LSAMP: variants seen among roughly 807,000 people sequenced by gnomAD.
LSAMP encodes the protein limbic system associated membrane protein.
In LSAMP, 7 loss-of-function variants were observed where a neutral mutation model predicts 38.6. That is an observed-to-expected ratio of 0.18 (90% CI 0.10 to 0.34). LSAMP has a LOEUF of 0.34. LSAMP is among the 10% of genes least tolerant of loss of function. LSAMP has a pLI of 1.00. For synonymous variants in LSAMP, 154 were observed against 166.8 expected, an observed-to-expected ratio of 0.92 and a Z score of 0.59; for missense variants, 313 against 420.0, an observed-to-expected ratio of 0.75 and a Z score of 2.23.
intron 1 of LSAMP, among the ~76,000 whole-genome samples, chr3:116,115,532 C>T (rs1028024091): frequency 1.3e-5 from 2 of 152,180 alleles, no homozygotes; most frequent in African/African-American, 4.8e-5. Context: ...CTCCTTTCTT[C>T]TCTTGTCCAT....
At chr3:115,848,294 C>T (rs1205162714) in intron 4 of LSAMP, among the ~76,000 whole-genome samples, 4 of 152,184 alleles carry the variant, frequency 2.6e-5, no homozygotes, top group African/African-American at 7.2e-5. Flanking sequence ...TATGGTGGCA[C>T]GCGCCTGTAA....
intron 1 of LSAMP, among the ~76,000 whole-genome samples, chr3:116,111,554 A>G (rs1384186716): frequency 6.6e-6 from 1 of 152,162 alleles, no homozygotes; most frequent in Non-Finnish European, 1.5e-5. Flanking sequence ...ATCCTCTGCA[A>G]AAGTAGATTT....
At chr3:116,393,456 T>A (rs2048729011) in intron 1 of LSAMP, among the ~76,000 whole-genome samples, 1 of 152,202 alleles carries the variant, frequency 6.6e-6, no homozygotes, top group African/African-American at 2.4e-5. Flanking sequence ...CAGTGCACAG[T>A]GCCTGGACCC....
chr3:116,043,980 C>A (rs2107722200), intron 2 of LSAMP, among the ~76,000 whole-genome samples: 2 of 152,258 alleles, frequency 1.3e-5, no homozygotes, highest in East Asian at 1.9e-4. Context: ...AAGAAAAATT[C>A]TTAATGTCTT....
intron 2 of LSAMP, among the ~76,000 whole-genome samples, chr3:116,068,734 CT>C (rs1205052538): frequency 6.6e-6 from 1 of 152,188 alleles, no homozygotes; most frequent in Non-Finnish European, 1.5e-5. Context: ...GCATCCTCTC[CT>C]GTGAACTTGA....
intron 1 of LSAMP, among the ~76,000 whole-genome samples, chr3:116,306,916 T>C (rs1272371551): frequency 1.3e-5 from 2 of 151,996 alleles, no homozygotes; most frequent in Non-Finnish European, 2.9e-5. Context: ...TTATAGGGTA[T>C]ATGAGCTTCC....
chr3:115,996,557 A>G (rs1159835382), intron 3 of LSAMP, among the ~76,000 whole-genome samples: 2 of 152,166 alleles, frequency 1.3e-5, no homozygotes, highest in Non-Finnish European at 2.9e-5. Flanking sequence ...TAAATTCAAA[A>G]TGGGAAATAC....
At chr3:116,159,739 G>C (rs1204588770) in intron 1 of LSAMP, among the ~76,000 whole-genome samples, 3 of 152,094 alleles carry the variant, frequency 2.0e-5, no homozygotes, top group Non-Finnish European at 4.4e-5. Context: ...TACACATAAA[G>C]GAATGTAAAT....
At chr3:116,377,675 A>T (rs1451826872) in intron 1 of LSAMP, among the ~76,000 whole-genome samples, 1 of 151,938 alleles carries the variant, frequency 6.6e-6, no homozygotes, top group Non-Finnish European at 1.5e-5. Context: ...AATGGCATAC[A>T]ATTTCTTCTA....
At chr3:116,347,528 G>A (rs560665366) in intron 1 of LSAMP, among the ~76,000 whole-genome samples, 1 of 152,196 alleles carries the variant, frequency 6.6e-6, no homozygotes, top group African/African-American at 2.4e-5. Context: ...GTACTAGCTA[G>A]TTCAGTCACT....
chr3:115,849,456 G>A (rs1255420672), intron 4 of LSAMP, among the ~76,000 whole-genome samples: 1 of 148,498 alleles, frequency 6.7e-6, no homozygotes, highest in African/African-American at 2.5e-5. Context: ...GTGCTGATGG[G>A]AGAAAGTTAA....
intron 3 of LSAMP, among the ~76,000 whole-genome samples, chr3:115,936,399 CT>C (rs1160480073): frequency 6.6e-6 from 1 of 152,144 alleles, no homozygotes; most frequent in African/African-American, 2.4e-5. Context: ...TTGCTTCATG[CT>C]TTTATTAATT....
At chr3:116,305,988 T>G (rs545885272) in intron 1 of LSAMP, among the ~76,000 whole-genome samples, 1 of 152,040 alleles carries the variant, frequency 6.6e-6, no homozygotes, top group Non-Finnish European at 1.5e-5. Context: ...TTTTTGAATT[T>G]GTACTGTGTG....
At chr3:116,390,716 G>A (rs948718813) in intron 1 of LSAMP, among the ~76,000 whole-genome samples, 2 of 143,050 alleles carry the variant, frequency 1.4e-5, no homozygotes, top group African/African-American at 5.3e-5. Context: ...CTCCAGCCTG[G>A]GCAACAGAGT....
chr3:115,882,109 A>G (rs890518759), intron 3 of LSAMP, among the ~76,000 whole-genome samples: 3 of 152,168 alleles, frequency 2.0e-5, no homozygotes, highest in Non-Finnish European at 4.4e-5. Context: ...TATCAGGACA[A>G]GGTGAGAGTT....
At chr3:116,189,709 C>T (rs1420040821) in intron 1 of LSAMP, among the ~76,000 whole-genome samples, 1 of 152,000 alleles carries the variant, frequency 6.6e-6, no homozygotes, top group African/African-American at 2.4e-5. Flanking sequence ...GAGTCATGAT[C>T]CCCCTTTTTA....
intron 1 of LSAMP, among the ~76,000 whole-genome samples, chr3:116,421,538 C>G (rs2049125719): frequency 3.7e-5 from 1 of 27,086 alleles, no homozygotes; most frequent in South Asian, 2.2e-3. Context: ...GAGCAAGATT[C>G]TGTCTAAAAA....
At chr3:116,062,542 T>G (rs1941612388) in intron 2 of LSAMP, among the ~76,000 whole-genome samples, 1 of 152,048 alleles carries the variant, frequency 6.6e-6, no homozygotes, top group Non-Finnish European at 1.5e-5. Flanking sequence ...TTAAAAAGTA[T>G]ATACTCAGTG....
chr3:115,830,713 A>G (rs1364400992), intron 6 of LSAMP, among the ~76,000 whole-genome samples: 1 of 152,236 alleles, frequency 6.6e-6, no homozygotes, highest in African/African-American at 2.4e-5. Context: ...TAAGGATGGT[A>G]TTCTACAGAA....
Sources: allele counts gnomAD v4.1 joint callset (sites outside exome capture counted in the v4.1 genomes callset), GRCh38; gene constraint gnomAD v4.1.1; transcripts MANE v1.5; gene names NCBI Gene and HGNC (gene_info 2026-07-23, HGNC 2026-07-21).